ATP6V1H: variants seen among roughly 807,000 people sequenced by gnomAD.
ATP6V1H encodes the protein V-type proton ATPase subunit H.
Under a neutral mutation model 71.7 loss-of-function variants are expected in ATP6V1H, and 39 were observed. The observed-to-expected ratio is 0.54, with a 90% CI of 0.42 to 0.71. The LOEUF (loss-of-function observed/expected upper bound fraction) is 0.71. Ranked by LOEUF, ATP6V1H falls within the 30% of genes least tolerant of loss-of-function variation. ATP6V1H has a pLI of 0.00. For missense variants in ATP6V1H, 509 were observed against 594.9 expected (o/e 0.86, Z 1.50); for synonymous variants, 192 against 199.3 (o/e 0.96, Z 0.31).
At chr8:53,826,114 A>G (rs1457067729) in intron 4 of ATP6V1H, among the ~76,000 whole-genome samples, 1 of 152,190 alleles carries the variant, frequency 6.6e-6, no homozygotes, top group African/African-American at 2.4e-5. Context: ...AAGATGTTCA[A>G]CCTCGGACAC....
chr8:53,769,795 C>T (rs772058028), intron 10 of ATP6V1H, 52 bp from the exon 11 acceptor site: 2 of 1,421,170 alleles, frequency 1.4e-6, no homozygotes, highest in Non-Finnish European at 1.9e-6. Flanking sequence ...GACAGTACTC[C>T]AAAATTAAGC....
At chr8:53,726,787 C>T (rs1009889909) in intron 13 of ATP6V1H, among the ~76,000 whole-genome samples, 45 of 152,116 alleles carry the variant, frequency 3.0e-4, no homozygotes, top group African/African-American at 9.7e-4. Context: ...TGTCTCCCTC[C>T]GCTCCCTCCT....
chr8:53,747,551 CT>C (rs1563447150), intron 12 of ATP6V1H, among the ~76,000 whole-genome samples: 1 of 140,704 alleles, frequency 7.1e-6, no homozygotes, highest in African/African-American at 2.7e-5. Context: ...CTTTTTTTTC[CT>C]TTTTTGAGAT....
intron 11 of ATP6V1H, among the ~76,000 whole-genome samples, chr8:53,766,878 G>A (rs751074734): frequency 1.4e-4 from 21 of 152,078 alleles, no homozygotes; most frequent in Non-Finnish European, 2.6e-4. Context: ...TTTTAATTTC[G>A]CCTTAGTCCT....
chr8:53,801,897 C>A lies in ATP6V1H; in HGVS notation c.580-1G>T. On this transcript the variant is annotated splice_acceptor_variant, in intron 7 of 13. Transcript: ENST00000359530. LOFTEE classifies it high-confidence loss of function. The stretch of plus-strand genomic sequence containing the variant: ...CCACGCACTGCACATACTGCGAACT[C>A]TGCACAAGAAGAAGTGTTGAGTTTT... The A allele has an allele frequency of 4.3e-6, 7 of 1,612,356 alleles. No homozygotes were observed. The Middle Eastern group carries it at 1.2e-3, about 266-fold the overall frequency.
chr8:53,840,686 G>C (rs1396714622), intron 2 of ATP6V1H, among the ~76,000 whole-genome samples: 1 of 151,988 alleles, frequency 6.6e-6, no homozygotes, highest in Non-Finnish European at 1.5e-5. Flanking sequence ...GAAATTAAAG[G>C]ATCATTTTTG....
At chr8:53,820,421 AATCT>A (rs2130492396) in intron 4 of ATP6V1H, among the ~76,000 whole-genome samples, 1 of 152,078 alleles carries the variant, frequency 6.6e-6, no homozygotes, top group East Asian at 1.9e-4. Flanking sequence ...AAGGGCATAC[AATCT>A]GCCCCCCACC....
At chr8:53,842,825 G>A (rs923625990) in intron 1 of ATP6V1H, 2 of 152,164 alleles carry the variant, frequency 1.3e-5, no homozygotes, top group African/African-American at 4.8e-5. Flanking sequence ...CGCCCCTGAC[G>A]TTTCTTCCCC....
chr8:53,753,080 C>T (rs1245902963), intron 12 of ATP6V1H, among the ~76,000 whole-genome samples: 2 of 146,572 alleles, frequency 1.4e-5, no homozygotes, highest in African/African-American at 5.0e-5. Context: ...AGAAACCATG[C>T]CTTTTTTTTT....
rs774698670 is a variant in ATP6V1H at position 53,716,952 on chromosome 8, A to T, written c.1392-928T>A. On this transcript the variant is annotated intron_variant, in intron 13 of 13. Transcript: ENST00000359530. ...AAAAAGCATGAGTTTTGGAATAGAG[A>T]CGTGGGTTTACGTTCCAGCTCCATG... 3.3e-5 allele frequency among the ~76,000 whole-genome samples: 5 copies of T among 152,224 alleles called. No individual in the cohort carries two copies. In the East Asian group the frequency reaches 9.6e-4, roughly 29 times the overall value.
chr8:53,758,413 G>C (rs1172608791), intron 11 of ATP6V1H, among the ~76,000 whole-genome samples: 1 of 152,080 alleles, frequency 6.6e-6, no homozygotes, highest in Non-Finnish European at 1.5e-5. Flanking sequence ...GGGTCCAAGG[G>C]CAATTATTTA....
intron 9 of ATP6V1H, among the ~76,000 whole-genome samples, chr8:53,775,206 C>G (rs1011535931): frequency 6.6e-6 from 1 of 151,942 alleles, no homozygotes; most frequent in African/African-American, 2.4e-5. Flanking sequence ...GTTCGTTCCT[C>G]CCGGTAGGTT....
intron 4 of ATP6V1H, among the ~76,000 whole-genome samples, chr8:53,825,633 C>T (rs1350382386): frequency 2.0e-5 from 3 of 152,090 alleles, no homozygotes; most frequent in African/African-American, 7.2e-5. Context: ...ATGTTAAAGG[C>T]AGCATCTCCA....
chr8:53,823,678 G>A (rs905614494), intron 4 of ATP6V1H, among the ~76,000 whole-genome samples: 1 of 152,138 alleles, frequency 6.6e-6, no homozygotes, highest in African/African-American at 2.4e-5. Context: ...GTTTCACCAT[G>A]TTGGCCAGGC....
intron 7 of ATP6V1H, among the ~76,000 whole-genome samples, chr8:53,807,047 C>G: frequency 6.6e-6 from 1 of 152,186 alleles, no homozygotes; most frequent in Non-Finnish European, 1.5e-5. Context: ...CTACAGCAGA[C>G]TACAATTTAA....
intron 2 of ATP6V1H, chr8:53,839,612 C>A: frequency 2.0e-6 from 2 of 985,414 alleles, no homozygotes; most frequent in Non-Finnish European, 2.4e-6. Flanking sequence ...AGACTTATCA[C>A]CTACAAACTC....
chr8:53,771,295 T>A (rs899806079), intron 10 of ATP6V1H, among the ~76,000 whole-genome samples: 2 of 152,194 alleles, frequency 1.3e-5, no homozygotes, highest in African/African-American at 4.8e-5. Context: ...AGTAACTCTT[T>A]TAAAAACATG....
At chr8:53,804,447 G>A (rs1390291761) in intron 7 of ATP6V1H, among the ~76,000 whole-genome samples, 9 of 152,146 alleles carry the variant, frequency 5.9e-5, no homozygotes, top group Non-Finnish European at 1.5e-5. Context: ...GGCCGAGGAG[G>A]GTAGATCACT....
rs764445789 is a variant in ATP6V1H, at chr8:53,811,999, TTG to T, written c.526-784_526-783del. Among the ~76,000 whole-genome samples, 8 of 152,242 alleles carry T rather than the reference TTG, an allele frequency of 5.3e-5. No homozygotes were observed. In the East Asian group the frequency reaches 7.7e-4, roughly 15 times the overall value. Reference sequence around the variant, plus strand: ...TACTTTTTGTGAGAGAGAAAAACACTTGTGACAGAGAAAAAAGAGACACTCTA... The same window carrying T: ...TACTTTTTGTGAGAGAGAAAAACACTTGACAGAGAAAAAAGAGACACTCTA... On this transcript the variant is annotated intron_variant, in intron 6 of 13. Transcript: ENST00000359530.
Sources: gnomAD v4.1 joint callset for allele counts (sites outside exome capture counted in the v4.1 genomes callset) on GRCh38, gnomAD v4.1.1 for gene constraint, MANE v1.5 for transcripts, NCBI Gene and HGNC (gene_info 2026-07-23, HGNC 2026-07-21) for gene names.